ABCG1: variants seen among roughly 807,000 people sequenced by gnomAD.
ABCG1 encodes ATP-binding cassette sub-family G member 1.
In ABCG1, 29 loss-of-function variants were observed where a neutral mutation model predicts 69.2. That is an observed-to-expected ratio of 0.42 (90% CI 0.31 to 0.57). The LOEUF (loss-of-function observed/expected upper bound fraction) is 0.57. Among genes scored for constraint, ABCG1 ranks in the 20% least tolerant of loss-of-function variants. The pLI is 0.15. For missense variants in ABCG1, 718 were observed against 898.1 expected (o/e 0.80, Z 2.56); for synonymous variants, 370 against 374.8 (o/e 0.99, Z 0.15).
intron 2 of ABCG1, among the ~76,000 whole-genome samples, chr21:42,233,137 A>C (rs2067925019): frequency 6.6e-6 from 1 of 152,214 alleles, no homozygotes; most frequent in South Asian, 2.1e-4. Flanking sequence ...GTGGGCCTGC[A>C]GGGATCCAGT....
At chr21:42,229,719 C>CAA (rs111626580) in intron 2 of ABCG1, among the ~76,000 whole-genome samples, 3,221 of 143,680 alleles carry the variant, frequency 0.022, 107 homozygotes, top group African/African-American at 0.078. Context: ...GACTCTGTCT[C>CAA]AAAAAAAAAA....
chr21:42,277,877 A>T (rs1342474319), intron 5 of ABCG1, among the ~76,000 whole-genome samples: 5 of 152,210 alleles, frequency 3.3e-5, no homozygotes, highest in Admixed American at 2.0e-4. Context: ...CTCTCCGGTC[A>T]TCTGTAATAG....
At chr21:42,254,626 G>A (rs1315123890) in intron 2 of ABCG1, among the ~76,000 whole-genome samples, 1 of 152,266 alleles carries the variant, frequency 6.6e-6, no homozygotes, top group African/African-American at 2.4e-5. Context: ...TTTGCCACAT[G>A]ATCACGAAAA....
intron 2 of ABCG1, among the ~76,000 whole-genome samples, chr21:42,265,011 C>G (rs929883280): frequency 6.6e-6 from 1 of 152,176 alleles, no homozygotes; most frequent in Non-Finnish European, 1.5e-5. Flanking sequence ...CTGAGCTCCT[C>G]GAGATCAGAG....
chr21:42,287,789 T>C lies in ABCG1; in HGVS notation c.974-100T>C. ...GCACCGCCACGCAGCATCTATGTAA[T>C]CGCTTTAAAACATTCCCACTTGAAT... On this transcript the variant is annotated intron_variant, in intron 8 of 14. Transcript: ENST00000398449. This position sits in a 1 kb window ranked among gnomAD's most constrained non-coding sequence, Gnocchi z 6.2. The C allele has an allele frequency of 1.6e-6, 2 of 1,246,988 alleles. No homozygotes were observed. Among genetic ancestry groups the C allele is most frequent in the Non-Finnish European group, 2.2e-6 (2 of 902,512 alleles). 77.2% of individuals were successfully genotyped at this position (1,246,988 alleles called of 1,614,324 possible).
At position 42,287,972 on chromosome 21, in the gene ABCG1, C is replaced by G. The variant is rs769044920; in HGVS notation, c.1057C>G (p.His353Asp). The G allele has an allele frequency of 1.2e-6, 2 of 1,613,742 alleles. No individual in the cohort carries two copies. The highest frequency in any genetic ancestry group is 4.5e-5 in the East Asian group (2 of 44,882). ...TCGGGAGGGCATGTGTGACTCAGACCACAAGAGAGACCTCGGGGGTGATGC... is the reference window on the plus strand; with the variant it reads ...TCGGGAGGGCATGTGTGACTCAGACGACAAGAGAGACCTCGGGGGTGATGC... Reference protein sequence around the residue: ...AVREGMCDSDHKRDLGGDAEV... With the variant: ...AVREGMCDSDDKRDLGGDAEV... The change falls in exon 9 of 15, where the codon CAC (histidine) becomes GAC (aspartate). Residue 353 changes from histidine to aspartate, a missense_variant. Coordinates refer to ENST00000398449, the MANE Select transcript of ABCG1 (RefSeq NM_016818.3). The surrounding 1 kb of genome is among the most constrained non-coding windows in gnomAD (Gnocchi z 6.2).
chr21:42,252,329 G>C (rs1309660444), intron 2 of ABCG1, among the ~76,000 whole-genome samples: 2 of 152,122 alleles, frequency 1.3e-5, no homozygotes. Flanking sequence ...TTCAGAGTTT[G>C]AATTTGGGTT....
At chr21:42,289,931 T>G in intron 10 of ABCG1, 119 bp from the exon 11 acceptor site, 3 of 1,129,024 alleles carry the variant, frequency 2.7e-6, no homozygotes, top group Non-Finnish European at 3.9e-6. Context: ...CAGGATAAAG[T>G]CTAAGACGTG....
chr21:42,224,363 G>A (rs2067780094), intron 1 of ABCG1, among the ~76,000 whole-genome samples: 1 of 152,226 alleles, frequency 6.6e-6, no homozygotes, highest in African/African-American at 2.4e-5. Context: ...GCTGGGAGGA[G>A]GCTTCGGGGT....
chr21:42,242,733 C>A (rs143053773), intron 2 of ABCG1, among the ~76,000 whole-genome samples: 75 of 152,256 alleles, frequency 4.9e-4, no homozygotes, highest in African/African-American at 1.7e-3. Flanking sequence ...CCTTTAGAGC[C>A]GACCATGAAC....
At chr21:42,200,988 G>T (rs1305583285) in intron 1 of ABCG1, among the ~76,000 whole-genome samples, 3 of 152,000 alleles carry the variant, frequency 2.0e-5, no homozygotes, top group African/African-American at 7.3e-5. Context: ...TGTTACATAG[G>T]TAAACGTGTG....
At chr21:42,265,848 C>T (rs2068495108) in intron 2 of ABCG1, among the ~76,000 whole-genome samples, 1 of 152,210 alleles carries the variant, frequency 6.6e-6, no homozygotes, top group Non-Finnish European at 1.5e-5. Context: ...CGGCCCTGGC[C>T]TCCCCCTTAG....
chr21:42,210,395 GC>G lies in ABCG1; in HGVS notation c.48+8673del, dbSNP rs569685694. Among the ~76,000 whole-genome samples, 981 of 152,270 alleles carry G rather than the reference GC, an allele frequency of 6.4e-3. 4 individuals are homozygous for G. The highest frequency in any genetic ancestry group is 0.011 in the Non-Finnish European group (745 of 68,006). On this transcript the variant is annotated intron_variant, in intron 2 of 15. Coordinates refer to the ABCG1 transcript ENST00000398457. Reference sequence around the variant, plus strand: ...GTATTTGTTATGGGTGTGATGGGAAGCTTTTAATTATTTGTGGGAAGGAGGC... The same window carrying G: ...GTATTTGTTATGGGTGTGATGGGAAGTTTTAATTATTTGTGGGAAGGAGGC...
intron 5 of ABCG1, among the ~76,000 whole-genome samples, chr21:42,281,688 A>G (rs1156927961): frequency 6.6e-6 from 1 of 152,090 alleles, no homozygotes; most frequent in East Asian, 1.9e-4. Context: ...CCCCTCCCCG[A>G]GAGCCCTGGT....
chr21:42,296,146 C>T lies in ABCG1; in HGVS notation c.1773-18C>T. 9 of 1,607,566 alleles carry T rather than the reference C, an allele frequency of 5.6e-6. No individual in the cohort carries two copies. Among genetic ancestry groups the T allele is most frequent in the Non-Finnish European group, 7.7e-6 (9 of 1,174,144 alleles). ...GGCTGGGAGAACGTCCTCCCTCATG[C>T]CTGGCCTTTCCTCCTAGGTATGGGT... On this transcript the variant is annotated intron_variant, in intron 14 of 14. Transcript: ENST00000398449. This position sits in a 1 kb window ranked among gnomAD's most constrained non-coding sequence, Gnocchi z 5.4.
intron 2 of ABCG1, among the ~76,000 whole-genome samples, chr21:42,234,950 G>A (rs1029591564): frequency 1.3e-5 from 2 of 152,072 alleles, no homozygotes; most frequent in South Asian, 2.1e-4. Context: ...GGGGAGCGGC[G>A]CGATTGGCTG....
chr21:42,222,322 T>C (rs910705461), intron 1 of ABCG1, among the ~76,000 whole-genome samples: 2 of 152,176 alleles, frequency 1.3e-5, no homozygotes, highest in Non-Finnish European at 2.9e-5. Context: ...CATCACGCAG[T>C]TTTCACGATC....
chr21:42,238,168 T>C (rs2068003254), intron 2 of ABCG1, among the ~76,000 whole-genome samples: 1 of 152,264 alleles, frequency 6.6e-6, no homozygotes, highest in Non-Finnish European at 1.5e-5. Context: ...TTTATTAGTC[T>C]GTGAGCAGTA....
At chr21:42,221,659 A>G (rs1406852510) in intron 1 of ABCG1, among the ~76,000 whole-genome samples, 1 of 152,206 alleles carries the variant, frequency 6.6e-6, no homozygotes, top group African/African-American at 2.4e-5. Flanking sequence ...GCTCTTGGTC[A>G]GTGCATTTTC....
Sources: gnomAD v4.1 joint callset for allele counts (sites outside exome capture counted in the v4.1 genomes callset) on GRCh38, gnomAD v4.1.1 for gene constraint, Gnocchi (gnomAD v3.1) non-coding constraint, MANE v1.5 for transcripts, NCBI Gene and HGNC (gene_info 2026-07-23, HGNC 2026-07-21) for gene names.